Variants in GPI observed in about 807,000 individuals in gnomAD.
GPI encodes glucose-6-phosphate isomerase.
In GPI, 56 loss-of-function variants were observed where a neutral mutation model predicts 75.8. The observed-to-expected ratio is 0.74, with a 90% CI of 0.60 to 0.92. The LOEUF (loss-of-function observed/expected upper bound fraction) is 0.92. Among genes scored for constraint, GPI ranks in the 40% least tolerant of loss-of-function variants. GPI has a pLI of 0.00. For synonymous variants in GPI, 288 were observed against 285.4 expected (o/e 1.01, Z -0.09); for missense variants, 638 against 741.0 (o/e 0.86, Z 1.61).
At chr19:34,377,943 C>T in intron 6 of GPI, 62 bp downstream of exon 6, 2 of 1,554,998 alleles carry the variant, frequency 1.3e-6, no homozygotes, top group Non-Finnish European at 1.8e-6. Flanking sequence ...GGAGGGACAG[C>T]TGTCTTGCCA....
At chr19:34,372,045 C>G (rs934541297) in intron 4 of GPI, among the ~76,000 whole-genome samples, 5 of 151,656 alleles carry the variant, frequency 3.3e-5, no homozygotes, top group African/African-American at 1.2e-4. Flanking sequence ...ATTCTCCTGC[C>G]TCAGCCTCCT....
At chr19:34,389,664 A>G (rs1008543165) in intron 9 of GPI, among the ~76,000 whole-genome samples, 3 of 152,116 alleles carry the variant, frequency 2.0e-5, no homozygotes, top group Non-Finnish European at 4.4e-5. Context: ...GGACCTTTGC[A>G]TGTGCTGTTA....
At chr19:34,395,068 T>C (rs1475722808) in intron 12 of GPI, among the ~76,000 whole-genome samples, 1 of 152,204 alleles carries the variant, frequency 6.6e-6, no homozygotes, top group African/African-American at 2.4e-5. Context: ...GCTCTTGAGT[T>C]GCTCTGGGCA....
Position 34,383,924 on chromosome 19 carries a change from A to G in GPI, c.804+2405A>G, listed in dbSNP as rs559140426. ...TCATGTGTGAGGAAAGTGTCTGTTCAGGTTAGGTGTGTATAATGCAGCCTT... is the reference window on the plus strand; with the variant it reads ...TCATGTGTGAGGAAAGTGTCTGTTCGGGTTAGGTGTGTATAATGCAGCCTT... On this transcript the variant is annotated intron_variant, in intron 9 of 17. Coordinates refer to ENST00000356487, the MANE Select transcript of GPI (RefSeq NM_000175.5). Among the ~76,000 whole-genome samples, 3 of 152,256 alleles carry G rather than the reference A, an allele frequency of 2.0e-5. No individual in the cohort carries two copies. In the East Asian group the frequency reaches 5.8e-4, roughly 29 times the overall value.
At chr19:34,361,105 T>C (rs2074298861), upstream of GPI, among the ~76,000 whole-genome samples, 1 of 151,930 alleles carries the variant, frequency 6.6e-6, no homozygotes, top group South Asian at 2.1e-4. Context: ...CTTTCCTTTT[T>C]TTTTGAGACA....
At chr19:34,363,781 C>T (rs2074317374), upstream of GPI, among the ~76,000 whole-genome samples, 1 of 152,174 alleles carries the variant, frequency 6.6e-6, no homozygotes, top group Non-Finnish European at 1.5e-5. Flanking sequence ...GATCACGCCA[C>T]TGCACTCCAG....
intron 13 of GPI, 45 bp downstream of exon 13, chr19:34,396,475 G>T (rs2145429083): frequency 1.9e-6 from 3 of 1,613,626 alleles, no homozygotes; most frequent in East Asian, 4.5e-5. Flanking sequence ...GGGAGGGAAA[G>T]GATCTTCCAG....
At chr19:34,379,785 C>T (rs1441223739) in intron 8 of GPI, 45 of 647,094 alleles carry the variant, frequency 7.0e-5, no homozygotes, top group Admixed American at 6.5e-4. Flanking sequence ...AGTGGGATCA[C>T]GATAACCCCT....
At chr19:34,377,940 C>T in intron 6 of GPI, 59 bp downstream of exon 6, 1 of 1,571,168 alleles carries the variant, frequency 6.4e-7, no homozygotes. Context: ...TGGGGAGGGA[C>T]AGCTGTCTTG....
intron 9 of GPI, among the ~76,000 whole-genome samples, chr19:34,386,647 G>A (rs2074739215): frequency 6.6e-6 from 1 of 152,204 alleles, no homozygotes; most frequent in South Asian, 2.1e-4. Context: ...TAGCATGGGG[G>A]TCTCTACAGG....
rs1599853278 is a variant in GPI at position 34,393,789 on chromosome 19, T to G, written c.909+18T>G. 6.2e-7 allele frequency: 1 copy of G among 1,612,416 alleles called. No individual in the cohort carries two copies. Among genetic ancestry groups the G allele is most frequent in the Non-Finnish European group, 8.5e-7 (1 of 1,179,532 alleles). ...ACTGGATGGTGAGTGCTGAGGCTGGTTCTCTGCCAAGTGCTGGCCAGAGGC... is the reference window on the plus strand; with the variant it reads ...ACTGGATGGTGAGTGCTGAGGCTGGGTCTCTGCCAAGTGCTGGCCAGAGGC... On this transcript the variant is annotated intron_variant, in intron 11 of 17. Transcript: ENST00000356487. This position sits in a 1 kb window ranked among gnomAD's most constrained non-coding sequence, Gnocchi z 4.4.
Position 34,377,603 on chromosome 19 carries a change from C to G in GPI, c.486+17C>G. Reference sequence around the variant, plus strand: ...TCCGACCTGGTGAGGAGAAAACTGCCTTGGGGTAGGGTGGGAGTCTGGGCA... The same window carrying G: ...TCCGACCTGGTGAGGAGAAAACTGCGTTGGGGTAGGGTGGGAGTCTGGGCA... On this transcript the variant is annotated intron_variant, in intron 5 of 17. Coordinates refer to ENST00000356487, the MANE Select transcript of GPI (RefSeq NM_000175.5). 6.2e-7 allele frequency: 1 copy of G among 1,605,514 alleles called. No homozygotes were observed. Among genetic ancestry groups the G allele is most frequent in the Non-Finnish European group, 8.5e-7 (1 of 1,172,448 alleles).
At chr19:34,375,144 C>CTTT (rs572414870) in intron 4 of GPI, among the ~76,000 whole-genome samples, 9 of 141,512 alleles carry the variant, frequency 6.4e-5, no homozygotes, top group African/African-American at 2.3e-4. Context: ...CAGCAATACA[C>CTTT]TTTTTTTTTT....
At position 34,393,849 on chromosome 19, in the gene GPI, C is replaced by T. The variant is rs924494439; in HGVS notation, c.910-65C>T. On this transcript the variant is annotated intron_variant, in intron 11 of 17. Transcript: ENST00000356487. The surrounding 1 kb of genome is among the most constrained non-coding windows in gnomAD (Gnocchi z 4.4). ...GGTCCTGGTCCCCCGCTTTCTCCCC[C>T]ACTGTCCTGTCCCTCCCCTCCCCGT... 2.5e-6 allele frequency: 4 copies of T among 1,604,470 alleles called. No homozygotes were observed. The highest frequency in any genetic ancestry group is 1.7e-5 in the Admixed American group (1 of 60,000).
chr19:34,377,336 A>AAAAAAAAAAAAAAAAAT (rs2074558981), intron 4 of GPI, among the ~76,000 whole-genome samples, 167 bp from the exon 5 acceptor site: 1 of 49,328 alleles, frequency 2.0e-5, no homozygotes, highest in Non-Finnish European at 3.2e-5. Context: ...AAAAAAAAAA[A>AAAAAAAAAAAAAAAAAT]ATATATATAT....
chr19:34,363,160 G>A (rs2074310202), upstream of GPI, among the ~76,000 whole-genome samples: 1 of 152,176 alleles, frequency 6.6e-6, no homozygotes, highest in African/African-American at 2.4e-5. Flanking sequence ...GAAAAAATTA[G>A]CTGGGCATGG....
At chr19:34,390,196 A>T (rs1331932096) in intron 9 of GPI, among the ~76,000 whole-genome samples, 1 of 152,174 alleles carries the variant, frequency 6.6e-6, no homozygotes, top group Non-Finnish European at 1.5e-5. Flanking sequence ...AGGTGTGAGG[A>T]TCTGGGTTTG....
chr19:34,377,796 A>G lies in GPI; in HGVS notation c.548A>G (p.Tyr183Cys). The change falls in exon 6 of 18, where the codon TAT (tyrosine) becomes TGT (cysteine). Residue 183 changes from tyrosine (Y) to cysteine (C), a missense_variant. Coordinates refer to ENST00000356487, the MANE Select transcript of GPI (RefSeq NM_000175.5). The stretch of plus-strand genomic sequence containing the variant: ...TCTTCAGGAGGTCCCCGCGTCTGGT[A>G]TGTCTCCAACATTGATGGAACTCAC... ...PYSSGGPRVWYVSNIDGTHIA... is the reference protein window; with the variant it reads ...PYSSGGPRVWCVSNIDGTHIA... The G allele has an allele frequency of 3.1e-6, 5 of 1,613,970 alleles. No individual in the cohort carries two copies. Among genetic ancestry groups the G allele is most frequent in the Non-Finnish European group, 4.2e-6 (5 of 1,179,898 alleles).
chr19:34,394,903 G>A (rs969891793), intron 12 of GPI, among the ~76,000 whole-genome samples: 5 of 151,940 alleles, frequency 3.3e-5, no homozygotes, highest in South Asian at 2.1e-4. Flanking sequence ...TAGTGGAAAC[G>A]GGGTTTCACT....
Sources: allele counts gnomAD v4.1 joint callset (sites outside exome capture counted in the v4.1 genomes callset), GRCh38; gene constraint gnomAD v4.1.1; non-coding constraint Gnocchi (gnomAD v3.1); transcripts MANE v1.5; gene names NCBI Gene and HGNC (gene_info 2026-07-23, HGNC 2026-07-21).